Variants in PSMD3 observed in about 807,000 individuals in gnomAD.
The protein encoded by PSMD3 is proteasome 26S subunit, non-ATPase 3, also known as 26S proteasome non-ATPase regulatory subunit 3.
Under a neutral mutation model 62.8 loss-of-function variants are expected in PSMD3, and 5 were observed. The ratio of observed to expected loss-of-function variants is 0.08; its 90% CI spans 0.04 to 0.17. The LOEUF (loss-of-function observed/expected upper bound fraction) is 0.17, where lower values mean the gene tolerates loss of function less well. Ranked by LOEUF, PSMD3 falls within the 10% of genes least tolerant of loss-of-function variation. The pLI is 1.00. For synonymous variants in PSMD3, 265 were observed against 283.9 expected, an observed-to-expected ratio of 0.93 and a Z score of 0.67; for missense variants, 524 against 713.6, an observed-to-expected ratio of 0.73 and a Z score of 3.03.
At position 39,997,623 on chromosome 17, in the gene PSMD3, C is replaced by T. The variant is rs12952353; in HGVS notation, c.*42C>T. The T allele has an allele frequency of 1.9e-6, 3 of 1,592,140 alleles. No homozygotes were observed. The highest frequency in any genetic ancestry group is 2.6e-6 in the Non-Finnish European group (3 of 1,164,798). Reference sequence around the variant, plus strand: ...GGGGTAGGGGGAATGGGGACAGGCTCTTTCCCCCTTGGGGGTCCCCTGCCC... The same window carrying T: ...GGGGTAGGGGGAATGGGGACAGGCTTTTTCCCCCTTGGGGGTCCCCTGCCC... On this transcript the variant is annotated 3_prime_UTR_variant, in exon 12 of 12. Coordinates refer to ENST00000264639, the MANE Select transcript of PSMD3 (RefSeq NM_002809.4).
chr17:39,982,688 A>G (rs1410272092), intron 1 of PSMD3, among the ~76,000 whole-genome samples: 1 of 152,194 alleles, frequency 6.6e-6, no homozygotes, highest in Non-Finnish European at 1.5e-5. Context: ...GCACATAAAT[A>G]TCAGCTGTTA....
chr17:39,982,031 C>T (rs1345708179), intron 1 of PSMD3, among the ~76,000 whole-genome samples: 1 of 152,166 alleles, frequency 6.6e-6, no homozygotes, highest in Non-Finnish European at 1.5e-5. Flanking sequence ...TGCCATTTTC[C>T]TGGTTCTGGA....
At position 39,988,815 on chromosome 17, in the gene PSMD3, C is replaced by T. The variant is rs1458466769; in HGVS notation, c.682C>T (p.Arg228Cys). Residue 228 changes from arginine to cysteine, a missense_variant, in exon 4 of 12, where the codon CGC becomes TGC. By Grantham distance (180) the Arg-to-Cys change is radical. Transcript: ENST00000264639. ...GTTCCTGGACAAGCTGGATGTGGTGCGCAGGTACAGGCAGCCAAGCATCTC... is the reference window on the plus strand; with the variant it reads ...GTTCCTGGACAAGCTGGATGTGGTGTGCAGGTACAGGCAGCCAAGCATCTC... Reference protein sequence around the residue: ...YEFLDKLDVVRSFLHARLRTA... With the variant: ...YEFLDKLDVVCSFLHARLRTA... 6 of 1,613,408 alleles carry T rather than the reference C, an allele frequency of 3.7e-6. No homozygotes were observed. Among genetic ancestry groups the T allele is most frequent in the South Asian group, 2.2e-5 (2 of 91,056 alleles).
At chr17:39,989,510 C>A (rs1980603501) in intron 4 of PSMD3, among the ~76,000 whole-genome samples, 1 of 152,228 alleles carries the variant, frequency 6.6e-6, no homozygotes, top group South Asian at 2.1e-4. Context: ...TTTCTCATGA[C>A]CATTGCCTCC....
chr17:39,989,865 G>A lies in PSMD3; in HGVS notation c.813G>A (p.Val271=). The part of the protein sequence containing the change: ...YSLYDQAEKL[V]SKSVFPEQAN... ...TGTACGACCAGGCTGAGAAGCTGGTGTCCAAGTCTGTGTTCCCAGAGCAGG... is the reference window on the plus strand; with the variant it reads ...TGTACGACCAGGCTGAGAAGCTGGTATCCAAGTCTGTGTTCCCAGAGCAGG... The change falls in exon 5 of 12, where the codon GTG becomes GTA. Residue 271 remains valine (V), a synonymous_variant. Transcript: ENST00000264639. The A allele has an allele frequency of 6.2e-7, 1 of 1,614,224 alleles. No homozygotes were observed. The highest frequency in any genetic ancestry group is 8.5e-7 in the Non-Finnish European group (1 of 1,180,042).
At chr17:39,987,176 A>G (rs1363923708) in intron 3 of PSMD3, among the ~76,000 whole-genome samples, 1 of 152,214 alleles carries the variant, frequency 6.6e-6, no homozygotes, top group African/African-American at 2.4e-5. Context: ...CATAAATGGT[A>G]GCTGTTATTA....
intron 1 of PSMD3, among the ~76,000 whole-genome samples, chr17:39,981,456 A>C (rs769354899): frequency 6.6e-6 from 1 of 150,870 alleles, no homozygotes; most frequent in Non-Finnish European, 1.5e-5. Context: ...GGGCCTGGGG[A>C]CTCCCTCTTT....
In PSMD3 at chr17:39,980,915, G is replaced by T; in HGVS notation, c.-56G>T. 7.0e-7 allele frequency: 1 copy of T among 1,420,734 alleles called. No homozygotes were observed. Among genetic ancestry groups the T allele is most frequent in the East Asian group, 2.5e-5 (1 of 39,626 alleles). The allele number at this position is 1,420,734 out of a possible 1,614,324, so 88.0% of individuals were successfully genotyped here. On this transcript the variant is annotated 5_prime_UTR_variant, in exon 1 of 12. In the 5' UTR this introduces an upstream ATG that the reference lacks. Coordinates refer to ENST00000264639, the MANE Select transcript of PSMD3 (RefSeq NM_002809.4). ...GCTCGGCTCCTGGTCCCCGGTGCGA[G>T]GGTTAACGCGAGGCCCCGGCCTCGG...
Position 39,996,099 on chromosome 17 carries a change from T to C in PSMD3, c.1321-84T>C. On this transcript the variant is annotated intron_variant, in intron 9 of 11. Transcript: ENST00000264639. The surrounding 1 kb of genome is among the most constrained non-coding windows in gnomAD (Gnocchi z 5.1). ...GCACCACCGCACTCTCCTGCCTGGG[T>C]GACAGAGCGAGACTCCATCTCAAAA... 6.5e-7 allele frequency: 1 copy of C among 1,534,516 alleles called. No homozygotes were observed. Among genetic ancestry groups the C allele is most frequent in the Non-Finnish European group, 8.9e-7 (1 of 1,121,202 alleles).
Position 39,995,153 on chromosome 17 carries a change from A to C in PSMD3, c.1097-23A>C. The C allele has an allele frequency of 6.2e-7, 1 of 1,613,874 alleles. No homozygotes were observed. Among genetic ancestry groups the C allele is most frequent in the Non-Finnish European group, 8.5e-7 (1 of 1,179,960 alleles). On this transcript the variant is annotated intron_variant, in intron 7 of 11. Coordinates refer to ENST00000264639, the MANE Select transcript of PSMD3 (RefSeq NM_002809.4). This position sits in a 1 kb window ranked among gnomAD's most constrained non-coding sequence, Gnocchi z 4.1. ...TGCCTGTGCCTATTTGCATCATCCA[A>C]TCTACTCCTGTTCTGCCTGCAGCTG...
chr17:39,992,992 C>T (rs1980695873), intron 6 of PSMD3: 1 of 152,286 alleles, frequency 6.6e-6, no homozygotes, highest in Non-Finnish European at 1.5e-5. Flanking sequence ...CTGTACATTA[C>T]TAACTCCGTT....
At chr17:39,990,062 T>G in intron 5 of PSMD3, 32 bp from the exon 6 acceptor site, 1 of 1,608,612 alleles carries the variant, frequency 6.2e-7, no homozygotes, top group Non-Finnish European at 8.5e-7. Flanking sequence ...GACCCTACTC[T>G]GTTGACCAAC....
chr17:39,997,539 T>C lies in PSMD3; in HGVS notation c.1563T>C (p.Phe521=), dbSNP rs767409070. 6 of 1,600,044 alleles carry C rather than the reference T, an allele frequency of 3.7e-6. No individual in the cohort carries two copies. In the South Asian group the frequency reaches 6.6e-5, roughly 18 times the overall value. The change falls in exon 12 of 12, where the codon TTT becomes TTC. Residue 521 remains phenylalanine (F), a synonymous_variant. Coordinates refer to ENST00000264639, the MANE Select transcript of PSMD3 (RefSeq NM_002809.4). ...AGCGAGAACAGCAGGACTTGGAGTT[T>C]GCCAAGGAGATGGCAGAAGATGATG... The part of the protein sequence containing the change: ...RREREQQDLE[F]AKEMAEDDDD...
chr17:39,983,620 G>A (rs1042718892), intron 1 of PSMD3, among the ~76,000 whole-genome samples: 1 of 152,088 alleles, frequency 6.6e-6, no homozygotes, highest in African/African-American at 2.4e-5. Context: ...TTTAAATGAA[G>A]TCAAGCCCAT....
intron 6 of PSMD3, among the ~76,000 whole-genome samples, chr17:39,990,478 G>T (rs1165978468): frequency 2.0e-5 from 3 of 152,002 alleles, no homozygotes; most frequent in Non-Finnish European, 4.4e-5. Context: ...ATTATTTTTT[G>T]TGTGTGTGGA....
intron 2 of PSMD3, among the ~76,000 whole-genome samples, chr17:39,985,087 G>T (rs989094857): frequency 6.6e-6 from 1 of 152,088 alleles, no homozygotes; most frequent in Non-Finnish European, 1.5e-5. Flanking sequence ...AATTAGCCAG[G>T]CATGGTGGCA....
rs774790147 is a variant in PSMD3, at chr17:39,996,134, AAG to A, written c.1321-47_1321-46del. ...AGACTCCATCTCAAAAAAAAAAAAA[AAG>A]AAGAAGCTGGGTGTGCTGGTGAACT... On this transcript the variant is annotated intron_variant, in intron 9 of 11. Transcript: ENST00000264639. This position sits in a 1 kb window ranked among gnomAD's most constrained non-coding sequence, Gnocchi z 5.1. 2.4e-5 allele frequency: 39 copies of A among 1,594,872 alleles called. No individual in the cohort carries two copies. The highest frequency in any genetic ancestry group is 1.8e-4 in the Middle Eastern group (1 of 5,526).
Position 39,995,025 on chromosome 17 carries a change from C to G in PSMD3, c.1053C>G (p.Pro351=). Residue 351 remains proline (P), a synonymous_variant, in exon 7 of 12, where the codon CCC becomes CCG. Coordinates refer to ENST00000264639, the MANE Select transcript of PSMD3 (RefSeq NM_002809.4). The surrounding 1 kb of genome is among the most constrained non-coding windows in gnomAD (Gnocchi z 4.1). ...EIPDRLQFRQ[P]SLKRSLMPYF... The stretch of plus-strand genomic sequence containing the variant: ...CTGACCGGCTGCAGTTCCGCCAGCC[C>G]TCCCTCAAGCGCTCACTCATGCCCT... The G allele has an allele frequency of 6.2e-7, 1 of 1,614,158 alleles. No homozygotes were observed. Among genetic ancestry groups the G allele is most frequent in the Non-Finnish European group, 8.5e-7 (1 of 1,180,042 alleles).
chr17:39,982,298 C>T (rs1326401918), intron 1 of PSMD3, among the ~76,000 whole-genome samples: 1 of 152,210 alleles, frequency 6.6e-6, no homozygotes, highest in Non-Finnish European at 1.5e-5. Context: ...ATTACAGGCA[C>T]TTCATTTTCT....
Sources: gnomAD v4.1 joint callset for allele counts (sites outside exome capture counted in the v4.1 genomes callset) on GRCh38, gnomAD v4.1.1 for gene constraint, Gnocchi (gnomAD v3.1) non-coding constraint, MANE v1.5 for transcripts, NCBI Gene and HGNC (gene_info 2026-07-23, HGNC 2026-07-21) for gene names.